Variants in STK32B observed in about 807,000 individuals in gnomAD.
STK32B encodes serine/threonine kinase 32B, also known as serine/threonine-protein kinase 32B.
A neutral mutation model predicts 52.6 loss-of-function variants in STK32B; 43 were observed. That is an observed-to-expected ratio of 0.82 (90% CI 0.64 to 1.05). The LOEUF is 1.05. STK32B is among the 50% of genes least tolerant of loss of function. The pLI is 0.00. For missense variants in STK32B, 621 were observed against 534.6 expected (o/e 1.16, Z -1.59); for synonymous variants, 238 against 204.3 (o/e 1.17, Z -1.41).
At chr4:5,191,210 G>A (rs1020753413) in intron 3 of STK32B, among the ~76,000 whole-genome samples, 3 of 151,928 alleles carry the variant, frequency 2.0e-5, no homozygotes, top group African/African-American at 7.3e-5. Flanking sequence ...GGGCTAATGG[G>A]GTTGAGTTTG....
intron 4 of STK32B, among the ~76,000 whole-genome samples, chr4:5,335,981 T>G (rs1224022728): frequency 1.3e-5 from 2 of 151,570 alleles, no homozygotes; most frequent in African/African-American, 4.9e-5. Flanking sequence ...TTCCCAACTC[T>G]GCAGAGCCAG....
chr4:5,101,766 G>A (rs924723707), intron 1 of STK32B, among the ~76,000 whole-genome samples: 2 of 152,140 alleles, frequency 1.3e-5, no homozygotes, highest in Non-Finnish European at 2.9e-5. Flanking sequence ...CCTGTCCAAT[G>A]TGAATTGTAG....
chr4:5,484,946 G>T (rs887858215), intron 11 of STK32B, among the ~76,000 whole-genome samples: 48 of 152,156 alleles, frequency 3.2e-4, no homozygotes, highest in African/African-American at 1.1e-3. Context: ...TAGAGTTTCT[G>T]CCTAGCGATC....
chr4:5,388,536 C>A lies in STK32B; in HGVS notation c.435-9671C>A, dbSNP rs187369985. The stretch of plus-strand genomic sequence containing the variant: ...TTGCAGTCACTGCAGGACCGTAGGA[C>A]CCCAGCTCTCCACACCCTTCTATTG... On this transcript the variant is annotated intron_variant, in intron 4 of 11. Coordinates refer to ENST00000282908, the MANE Select transcript of STK32B (RefSeq NM_018401.3). Among the ~76,000 whole-genome samples the A allele has an allele frequency of 7.3e-3, 1,106 of 152,220 alleles. 9 individuals carry two copies. The highest frequency in any genetic ancestry group is 0.013 in the Non-Finnish European group (851 of 68,006).
intron 3 of STK32B, among the ~76,000 whole-genome samples, chr4:5,234,122 T>C (rs1382296701): frequency 1.3e-5 from 2 of 152,148 alleles, no homozygotes. Flanking sequence ...ACGTGGTTCA[T>C]TTACAAATAT....
chr4:5,247,598 G>A (rs1477801268), intron 3 of STK32B, among the ~76,000 whole-genome samples: 2 of 152,120 alleles, frequency 1.3e-5, no homozygotes, highest in Admixed American at 6.5e-5. Context: ...ACTGTCCGGC[G>A]CTTCCCTGTG....
At chr4:5,028,089 T>C in the STK32B span, among the ~76,000 whole-genome samples, 6 of 152,330 alleles carry the variant, frequency 3.9e-5, no homozygotes, top group Non-Finnish European at 5.9e-5. Context: ...GTCTGACCAA[T>C]ACAGCATCCA....
At chr4:5,168,063 A>G (rs759109426) in intron 2 of STK32B, among the ~76,000 whole-genome samples, 1 of 152,088 alleles carries the variant, frequency 6.6e-6, no homozygotes, top group Non-Finnish European at 1.5e-5. Context: ...CTCTTTCAAC[A>G]CTTAGTACAT....
intron 3 of STK32B, among the ~76,000 whole-genome samples, chr4:5,190,920 A>G (rs1721143358): frequency 6.6e-6 from 1 of 152,166 alleles, no homozygotes; most frequent in Admixed American, 6.5e-5. Context: ...CGGGCCTGCA[A>G]TTCATAGCCA....
Position 5,139,942 on chromosome 4 carries a change from T to G in STK32B, c.90T>G (p.Gly30=), listed in dbSNP as rs773764411. The G allele has an allele frequency of 3.1e-6, 5 of 1,614,178 alleles. No individual in the cohort carries two copies. In the South Asian group the frequency reaches 5.5e-5, roughly 18 times the overall value. The change falls in exon 2 of 12, where the codon GGT becomes GGG. Residue 30 remains glycine, a synonymous_variant. Coordinates refer to ENST00000282908, the MANE Select transcript of STK32B (RefSeq NM_018401.3). ...ATTTTCAGATTCTGCGGGCCATTGGTAAAGGGAGTTTTGGAAAGGTAAGAA... is the reference window on the plus strand; with the variant it reads ...ATTTTCAGATTCTGCGGGCCATTGGGAAAGGGAGTTTTGGAAAGGTAAGAA... The part of the protein sequence containing the change: ...FDHFQILRAI[G]KGSFGKVCIV...
At chr4:5,320,267 A>G (rs1731401011) in intron 3 of STK32B, among the ~76,000 whole-genome samples, 1 of 152,136 alleles carries the variant, frequency 6.6e-6, no homozygotes, top group African/African-American at 2.4e-5. Context: ...CCTGGTACAT[A>G]GTAGGTGTTC....
chr4:5,025,197 G>A, the STK32B span, among the ~76,000 whole-genome samples: 13 of 152,018 alleles, frequency 8.6e-5, no homozygotes, highest in Non-Finnish European at 1.2e-4. Context: ...CTCCCCCTCC[G>A]CCGTGGTCCA....
intron 11 of STK32B, among the ~76,000 whole-genome samples, chr4:5,482,863 G>C (rs369050919): frequency 0.021 from 3,261 of 152,100 alleles, 72 homozygotes; most frequent in African/African-American, 0.074. Context: ...TTTTGTCTTT[G>C]GTTCTGTTTA....
chr4:5,480,254 G>C lies in STK32B; in HGVS notation c.1106+12184G>C, dbSNP rs191551224. On this transcript the variant is annotated intron_variant, in intron 11 of 11. Transcript: ENST00000282908. Reference sequence around the variant, plus strand: ...TCAAACTCTGTAAAATATTTCAAGAGGTTTATTCTGAGCCAAATATGAGTG... The same window carrying C: ...TCAAACTCTGTAAAATATTTCAAGACGTTTATTCTGAGCCAAATATGAGTG... Among the ~76,000 whole-genome samples the C allele has an allele frequency of 1.2e-3, 180 of 152,230 alleles. 3 individuals carry two copies. Among genetic ancestry groups the C allele is most frequent in the Non-Finnish European group, 2.2e-4 (15 of 68,020 alleles).
chr4:5,466,767 T>C lies in STK32B; in HGVS notation c.974T>C (p.Leu325Pro). 1 of 1,614,026 alleles carries C rather than the reference T, an allele frequency of 6.2e-7. No individual in the cohort carries two copies. The highest frequency in any genetic ancestry group is 8.5e-7 in the Non-Finnish European group (1 of 1,179,970). The change falls in exon 10 of 12, where the codon CTT becomes CCT. Residue 325 changes from leucine to proline, a missense_variant. Transcript: ENST00000282908. ...GAGATGATTCTAGAATCCAAGCCAC[T>C]TCACAAAAAGAAGAAGCGATTGGCA... ...LEEMILESKP[L>P]HKKKKRLAKN...
At chr4:5,064,336 T>A (rs189147382) in intron 1 of STK32B, among the ~76,000 whole-genome samples, 2 of 141,900 alleles carry the variant, frequency 1.4e-5, no homozygotes, top group East Asian at 4.2e-4. Context: ...TGTACTTACA[T>A]AAACATAATT....
At chr4:5,274,484 G>T (rs985397142) in intron 3 of STK32B, among the ~76,000 whole-genome samples, 8 of 151,560 alleles carry the variant, frequency 5.3e-5, no homozygotes, top group African/African-American at 1.7e-4. Flanking sequence ...GCCTAACTGG[G>T]AAGGTGACCA....
chr4:5,173,455 G>A (rs539498385), intron 3 of STK32B, among the ~76,000 whole-genome samples: 1 of 151,742 alleles, frequency 6.6e-6, no homozygotes, highest in South Asian at 2.1e-4. Context: ...CTATAAATTT[G>A]CCTCTACACA....
At chr4:5,277,876 C>T (rs191489946) in intron 3 of STK32B, among the ~76,000 whole-genome samples, 39 of 152,256 alleles carry the variant, frequency 2.6e-4, no homozygotes, top group Admixed American at 2.2e-3. Flanking sequence ...AATATTTTGA[C>T]CCACACTAAA....
Sources: gnomAD v4.1 joint callset for allele counts (sites outside exome capture counted in the v4.1 genomes callset) on GRCh38, gnomAD v4.1.1 for gene constraint, MANE v1.5 for transcripts, NCBI Gene and HGNC (gene_info 2026-07-23, HGNC 2026-07-21) for gene names.